Variants in PCDHGA4 observed in about 807,000 individuals in gnomAD.
PCDHGA4 encodes the protein protocadherin gamma-A4.
In PCDHGA4, 38 loss-of-function variants were observed where a neutral mutation model predicts 54.6. The ratio of observed to expected loss-of-function variants is 0.70; its 90% CI spans 0.54 to 0.91. The LOEUF is 0.91. Among genes scored for constraint, PCDHGA4 ranks in the 40% least tolerant of loss-of-function variants. PCDHGA4 has a pLI of 0.00. For synonymous variants in PCDHGA4, 511 were observed against 512.9 expected, an observed-to-expected ratio of 1.00 and a Z score of 0.05; for missense variants, 1,298 against 1,220.9, an observed-to-expected ratio of 1.06 and a Z score of -0.94.
At chr5:141,378,359 C>G (rs1254608030) in intron 1 of PCDHGA4, 1 of 152,222 alleles carries the variant, frequency 6.6e-6, no homozygotes, top group Non-Finnish European at 1.5e-5. Context: ...CCCGTCTCTA[C>G]TAAAAATACA....
Position 141,447,955 on chromosome 5 carries a change from G to A in PCDHGA4, c.2515-46852G>A, listed in dbSNP as rs536740280. On this transcript the variant is annotated intron_variant, in intron 1 of 3. Coordinates refer to ENST00000571252, the MANE Select transcript of PCDHGA4 (RefSeq NM_018917.4). ...ACAAAAATTAGCTGGGCATGGTGGC[G>A]GACACCTATAATCCCAGCTACTCGG... Among the ~76,000 whole-genome samples the A allele has an allele frequency of 1.6e-4, 24 of 151,898 alleles. 1 individual carries two copies. The highest frequency in any genetic ancestry group is 8.3e-4 in the South Asian group (4 of 4,816).
intron 1 of PCDHGA4, chr5:141,364,103 C>A (rs575957272): frequency 7.3e-6 from 3 of 411,130 alleles, no homozygotes; most frequent in Middle Eastern, 6.3e-4. Flanking sequence ...GATGCAGTCA[C>A]TGGTTAGGAC....
chr5:141,356,239 G>T lies in PCDHGA4; in HGVS notation c.1132G>T (p.Val378Phe). ...VLDENDNAPE[V>F]TVTSLTSSVQ... ...GGATGAAAATGACAACGCACCAGAA[G>T]TCACAGTTACATCTCTCACCAGCTC... Residue 378 changes from valine to phenylalanine, a missense_variant, in exon 1 of 4, where the codon GTC becomes TTC. By Grantham distance (50) the Val-to-Phe change is conservative. Coordinates refer to ENST00000571252, the MANE Select transcript of PCDHGA4 (RefSeq NM_018917.4). The T allele has an allele frequency of 6.3e-7, 1 of 1,585,126 alleles. No individual in the cohort carries two copies. The highest frequency in any genetic ancestry group is 8.6e-7 in the Non-Finnish European group (1 of 1,164,962).
chr5:141,385,190 G>A (rs899564761), intron 1 of PCDHGA4: 5 of 1,614,048 alleles, frequency 3.1e-6, no homozygotes, highest in African/African-American at 1.3e-5. Context: ...GCGGACTCTC[G>A]GAAGAGTCAC....
In PCDHGA4 at chr5:141,489,993, C is replaced by T. The variant is rs1413894892; in HGVS notation, c.2515-4814C>T. 18 of 1,614,186 alleles carry T rather than the reference C, an allele frequency of 1.1e-5. No individual in the cohort carries two copies. The highest frequency in any genetic ancestry group is 1.5e-5 in the Non-Finnish European group (18 of 1,179,990). On this transcript the variant is annotated intron_variant, in intron 1 of 3. Transcript: ENST00000571252. The surrounding 1 kb of genome is among the most constrained non-coding windows in gnomAD (Gnocchi z 4.5). ...AATCCTCAGTTCTACGTGTGGGAAT[C>T]CCAGAGAATGCACCCATTGGTACTC...
At chr5:141,388,439 A>G (rs1209677690) in intron 1 of PCDHGA4, 10 of 1,613,896 alleles carry the variant, frequency 6.2e-6, no homozygotes, top group Non-Finnish European at 8.5e-6. Context: ...ATAAAGAGAA[A>G]TCAGATGGCA....
At position 141,355,028 on chromosome 5, in the gene PCDHGA4, C is replaced by T. The variant is rs1759694339; in HGVS notation, c.-80C>T. Reference sequence around the variant, plus strand: ...CAAACCAGAAATTTAATCAGAATCACAAGATTTCTGCAGCACAAAGCACTG... The same window carrying T: ...CAAACCAGAAATTTAATCAGAATCATAAGATTTCTGCAGCACAAAGCACTG... On this transcript the variant is annotated 5_prime_UTR_variant, in exon 1 of 4. Transcript: ENST00000571252. The T allele has an allele frequency of 1.3e-5, 13 of 968,218 alleles. No individual in the cohort carries two copies. The South Asian group carries it at 3.2e-4, about 24-fold the overall frequency. The allele number at this position is 968,218 out of a possible 1,614,324, so 60.0% of individuals were successfully genotyped here.
chr5:141,472,316 C>T (rs1456055286), intron 1 of PCDHGA4, among the ~76,000 whole-genome samples: 6 of 151,940 alleles, frequency 3.9e-5, no homozygotes, highest in Non-Finnish European at 8.8e-5. Context: ...CCGAGGCAGG[C>T]AGATCACGAG....
intron 1 of PCDHGA4, chr5:141,478,899 T>A (rs905349011): frequency 9.7e-7 from 1 of 1,027,124 alleles, no homozygotes; most frequent in African/African-American, 1.6e-5. Context: ...ACATTAGGAA[T>A]AAGCTGCTGG....
intron 1 of PCDHGA4, chr5:141,365,061 C>T (rs1220470558): frequency 8.1e-6 from 13 of 1,613,766 alleles, no homozygotes; most frequent in Non-Finnish European, 1.1e-5. Context: ...CTGTTCACCC[C>T]ATCCGAGTAC....
intron 1 of PCDHGA4, chr5:141,360,531 A>G (rs766268377): frequency 5.0e-6 from 8 of 1,613,872 alleles, no homozygotes; most frequent in South Asian, 1.1e-5. Flanking sequence ...ATACCCCGCT[A>G]TTCAAACAGA....
At chr5:141,462,019 C>T (rs1276421563) in intron 1 of PCDHGA4, among the ~76,000 whole-genome samples, 6 of 152,178 alleles carry the variant, frequency 3.9e-5, no homozygotes, top group Non-Finnish European at 8.8e-5. Flanking sequence ...GACGGGGTTT[C>T]TTCATGTTGG....
At chr5:141,422,806 C>A in intron 1 of PCDHGA4, 1 of 1,614,208 alleles carries the variant, frequency 6.2e-7, no homozygotes, top group Non-Finnish European at 8.5e-7. Flanking sequence ...TGAGCAGTTT[C>A]GAGACTTAGA....
intron 1 of PCDHGA4, chr5:141,393,233 A>T (rs756421828): frequency 2.7e-5 from 44 of 1,613,664 alleles, no homozygotes; most frequent in Non-Finnish European, 3.4e-5. Context: ...ATCTAGAAGT[A>T]AAAATTAACG....
At chr5:141,374,935 T>C in intron 1 of PCDHGA4, 1 of 1,614,020 alleles carries the variant, frequency 6.2e-7, no homozygotes, top group East Asian at 2.2e-5. Context: ...TTGTGAAGAT[T>C]ACAGAAAAGA....
At chr5:141,404,234 G>C (rs2094500908) in intron 1 of PCDHGA4, 1 of 1,613,652 alleles carries the variant, frequency 6.2e-7, no homozygotes, top group South Asian at 1.1e-5. Flanking sequence ...AACAGACAGA[G>C]GAACTCCGCC....
intron 1 of PCDHGA4, among the ~76,000 whole-genome samples, chr5:141,488,463 C>T (rs926068842): frequency 6.6e-6 from 1 of 152,164 alleles, no homozygotes; most frequent in African/African-American, 2.4e-5. Flanking sequence ...GATTCAGCCC[C>T]AGAAATGTTC....
intron 1 of PCDHGA4, chr5:141,384,281 T>C (rs766739394): frequency 9.9e-6 from 16 of 1,613,774 alleles, no homozygotes; most frequent in Admixed American, 6.7e-5. Flanking sequence ...TCAGTCTACA[T>C]CGCTGAGAAC....
At chr5:141,382,520 G>A (rs1778262322) in intron 1 of PCDHGA4, among the ~76,000 whole-genome samples, 1 of 152,192 alleles carries the variant, frequency 6.6e-6, no homozygotes, top group South Asian at 2.1e-4. Context: ...TTAATTCAGT[G>A]TCTTAAAATG....
Sources: allele counts gnomAD v4.1 joint callset (sites outside exome capture counted in the v4.1 genomes callset), GRCh38; gene constraint gnomAD v4.1.1; non-coding constraint Gnocchi (gnomAD v3.1); transcripts MANE v1.5; gene names NCBI Gene and HGNC (gene_info 2026-07-23, HGNC 2026-07-21).